NLK: variants seen among roughly 807,000 people sequenced by gnomAD.
The protein encoded by NLK is serine/threonine-protein kinase NLK.
A neutral mutation model predicts 59.0 loss-of-function variants in NLK; 11 were observed. The observed-to-expected ratio is 0.19, with a 90% CI of 0.12 to 0.31. The LOEUF (loss-of-function observed/expected upper bound fraction) is 0.31. Ranked by LOEUF, NLK falls within the 10% of genes least tolerant of loss-of-function variation. The pLI is 1.00. For synonymous variants in NLK, 235 were observed against 235.9 expected, an observed-to-expected ratio of 1.00 and a Z score of 0.03; for missense variants, 410 against 661.1, an observed-to-expected ratio of 0.62 and a Z score of 4.16.
chr17:28,176,925 CT>C (rs1259712722), intron 7 of NLK, among the ~76,000 whole-genome samples: 35 of 152,278 alleles, frequency 2.3e-4, no homozygotes, highest in Admixed American at 3.3e-4. Context: ...CTCCACCCCC[CT>C]AACCCCCTGC....
chr17:28,170,949 T>A (rs1402533448), intron 6 of NLK, among the ~76,000 whole-genome samples: 1 of 152,242 alleles, frequency 6.6e-6, no homozygotes, highest in Non-Finnish European at 1.5e-5. Flanking sequence ...AGGAAAAGGC[T>A]CTAACTTCTA....
intron 3 of NLK, among the ~76,000 whole-genome samples, chr17:28,139,120 G>T (rs1906879650): frequency 1.3e-5 from 2 of 152,160 alleles, no homozygotes; most frequent in South Asian, 4.1e-4. Flanking sequence ...GCCGGGTTTG[G>T]TGGCACGTGC....
At chr17:28,125,776 G>A (rs1458598798) in intron 2 of NLK, among the ~76,000 whole-genome samples, 1 of 152,166 alleles carries the variant, frequency 6.6e-6, no homozygotes, top group Non-Finnish European at 1.5e-5. Context: ...TGCGGTGCTA[G>A]GTCATGTGGA....
At chr17:28,059,754 A>C (rs1597657460) in intron 1 of NLK, among the ~76,000 whole-genome samples, 1 of 151,832 alleles carries the variant, frequency 6.6e-6, no homozygotes, top group Non-Finnish European at 1.5e-5. Flanking sequence ...AAAAAGCTGT[A>C]GTTTAGGGTT....
chr17:28,048,542 T>C (rs1909139899), intron 1 of NLK: 2 of 152,198 alleles, frequency 1.3e-5, no homozygotes, highest in African/African-American at 2.4e-5. Flanking sequence ...CCCTTTCATA[T>C]GCTATACCAG....
chr17:28,067,602 T>A (rs1382026374), intron 1 of NLK, among the ~76,000 whole-genome samples: 1 of 150,752 alleles, frequency 6.6e-6, no homozygotes, highest in African/African-American at 2.4e-5. Context: ...ACTAAAAAAA[T>A]TCAATATATA....
At chr17:28,051,526 T>C (rs1015199824) in intron 1 of NLK, among the ~76,000 whole-genome samples, 1 of 151,974 alleles carries the variant, frequency 6.6e-6, no homozygotes, top group African/African-American at 2.4e-5. Context: ...ACCCGCCTAA[T>C]TTTTGTATTT....
intron 1 of NLK, among the ~76,000 whole-genome samples, chr17:28,107,504 GT>G (rs1330626304): frequency 3.3e-5 from 5 of 152,136 alleles, no homozygotes; most frequent in Admixed American, 3.3e-4. Context: ...AGGTTACCCA[GT>G]TTATTTTGTG....
At chr17:28,081,880 G>A (rs1910358586) in intron 1 of NLK, among the ~76,000 whole-genome samples, 1 of 151,974 alleles carries the variant, frequency 6.6e-6, no homozygotes, top group African/African-American at 2.4e-5. Flanking sequence ...TGAAATTCAT[G>A]GATTTTGTTT....
chr17:28,197,020 T>G (rs939591026), downstream of NLK, among the ~76,000 whole-genome samples: 1 of 152,222 alleles, frequency 6.6e-6, no homozygotes, highest in Non-Finnish European at 1.5e-5. Context: ...TAAATTAATA[T>G]AAATACATTT....
rs1053967946 is a variant in NLK, at chr17:28,055,310, C to T, written c.458+11979C>T. ...GTTTCACCATGTTGGCCAGGATGGT[C>T]TCAATCTCTTGACCTCATGATTTGC... On this transcript the variant is annotated intron_variant, in intron 1 of 10. Transcript: ENST00000407008. 3.3e-5 allele frequency among the ~76,000 whole-genome samples: 5 copies of T among 151,948 alleles called. No homozygotes were observed. The East Asian group carries it at 9.7e-4, about 29-fold the overall frequency.
At chr17:28,186,996 G>T (rs1304003799) in intron 8 of NLK, among the ~76,000 whole-genome samples, 2 of 152,042 alleles carry the variant, frequency 1.3e-5, no homozygotes, top group Non-Finnish European at 2.9e-5. Context: ...GTGTTATTTG[G>T]TAAGTTTATC....
chr17:28,199,373 G>GGATT (rs1331281719), downstream of NLK, among the ~76,000 whole-genome samples: 2 of 152,050 alleles, frequency 1.3e-5, no homozygotes, highest in African/African-American at 4.8e-5. Context: ...TGAGGCAAGA[G>GGATT]GATTGCCTGA....
At chr17:28,085,941 A>G (rs576716960) in intron 1 of NLK, among the ~76,000 whole-genome samples, 10 of 152,258 alleles carry the variant, frequency 6.6e-5, no homozygotes, top group African/African-American at 2.4e-4. Flanking sequence ...AGTAGGCTAT[A>G]CCATCTAGGT....
intron 1 of NLK, chr17:28,047,791 A>G (rs1567698575): frequency 5.1e-6 from 2 of 391,120 alleles, no homozygotes; most frequent in Admixed American, 4.4e-5. Context: ...CTCTTACTCC[A>G]CATAACAAAC....
chr17:28,095,915 T>C (rs569766812), intron 1 of NLK, among the ~76,000 whole-genome samples: 1 of 152,264 alleles, frequency 6.6e-6, no homozygotes, highest in East Asian at 1.9e-4. Flanking sequence ...TTTCTCTTGT[T>C]GTGTGTTCTA....
At chr17:28,047,317 G>A (rs2142730833) in intron 1 of NLK, among the ~76,000 whole-genome samples, 1 of 152,234 alleles carries the variant, frequency 6.6e-6, no homozygotes, top group Admixed American at 6.5e-5. Flanking sequence ...ACTATTTTTG[G>A]AGGCATGACT....
At chr17:28,172,465 GA>G in intron 6 of NLK, 51 bp from the exon 7 acceptor site, 1 of 1,281,112 alleles carries the variant, frequency 7.8e-7, no homozygotes, top group Non-Finnish European at 1.1e-6. Flanking sequence ...TAAGAGTAAT[GA>G]AAAGTTATTT....
chr17:28,111,888 GTGTGTGT>G (rs1905505831), intron 1 of NLK, among the ~76,000 whole-genome samples: 1 of 121,144 alleles, frequency 8.3e-6, no homozygotes, highest in Non-Finnish European at 1.7e-5. Context: ...GTGTGTGTGT[GTGTGTGT>G]GGTGTGTGTG....
Sources: allele counts gnomAD v4.1 joint callset (sites outside exome capture counted in the v4.1 genomes callset), GRCh38; gene constraint gnomAD v4.1.1; transcripts MANE v1.5; gene names NCBI Gene and HGNC (gene_info 2026-07-23, HGNC 2026-07-21).